OPHN1: variants seen among roughly 807,000 people sequenced by gnomAD.
The protein encoded by OPHN1 is oligophrenin 1.
In OPHN1, 11 loss-of-function variants were observed where a neutral mutation model predicts 60.7. The ratio of observed to expected loss-of-function variants is 0.18; its 90% confidence interval spans 0.11 to 0.30. The LOEUF is 0.30. Ranked by LOEUF, OPHN1 falls within the 10% of genes least tolerant of loss-of-function variation. The pLI, the probability that OPHN1 is intolerant of heterozygous loss-of-function variation, is 1.00. For synonymous variants in OPHN1, 226 were observed against 222.6 expected (o/e 1.02, Z -0.14); for missense variants, 449 against 611.0 (o/e 0.73, Z 2.80).
At chrX:68,083,142 G>A (rs1344426282) in intron 19 of OPHN1, among the ~76,000 whole-genome samples, 3 of 83,577 alleles carry the variant, frequency 3.6e-5, no homozygotes, top group East Asian at 4.3e-4. Flanking sequence ...GCGCAATCTC[G>A]GCTCACTGCA....
intron 10 of OPHN1, among the ~76,000 whole-genome samples, chrX:68,204,462 C>T (rs934301562): frequency 1.8e-5 from 2 of 111,903 alleles, no homozygotes; most frequent in Admixed American, 1.9e-4. Context: ...AAGGGTCTAG[C>T]TCAGTGTCCG....
chrX:68,429,499 GGCTT>G lies in OPHN1; in HGVS notation c.154+3364_154+3367del, dbSNP rs752772152. ...AACACTTTGAGAGGCCGTGGTGGGA[GGCTT>G]GCTTGAGCCCAGGAATTCCAGATCA... On this transcript the variant is annotated intron_variant, in intron 2 of 24. Transcript: ENST00000355520. Among the ~76,000 whole-genome samples the G allele has an allele frequency of 5.4e-5, 6 of 111,052 alleles. No homozygotes were observed. In the East Asian group the frequency reaches 1.7e-3, roughly 31 times the overall value.
intron 4 of OPHN1, among the ~76,000 whole-genome samples, chrX:68,277,723 G>T (rs1002578356): frequency 9.0e-6 from 1 of 111,628 alleles, no homozygotes; most frequent in Non-Finnish European, 1.9e-5. Context: ...CCCAGGAGGC[G>T]GAGGTTGCAG....
At chrX:68,069,529 T>A (rs995793891) in intron 20 of OPHN1, among the ~76,000 whole-genome samples, 2 of 111,351 alleles carry the variant, frequency 1.8e-5, no homozygotes, top group African/African-American at 3.3e-5. Flanking sequence ...TCCTTATACA[T>A]CCACTCATTC....
intron 2 of OPHN1, among the ~76,000 whole-genome samples, chrX:68,353,408 G>GAAA (rs766331200): frequency 8.3e-5 from 4 of 48,142 alleles, no homozygotes; most frequent in African/African-American, 1.4e-4. Context: ...GTCTCTACAG[G>GAAA]AAAAAAAAAA....
chrX:68,346,413 G>T (rs1179714131), intron 2 of OPHN1, among the ~76,000 whole-genome samples: 1 of 111,644 alleles, frequency 9.0e-6, no homozygotes, highest in Admixed American at 9.6e-5. Context: ...CAAAACAACT[G>T]GGAAATCCAA....
chrX:68,147,228 A>G (rs2077267575), intron 15 of OPHN1, among the ~76,000 whole-genome samples: 1 of 111,681 alleles, frequency 9.0e-6, no homozygotes, highest in African/African-American at 3.2e-5. Context: ...ATGTCATTCA[A>G]GGAGATCCCC....
intron 5 of OPHN1, among the ~76,000 whole-genome samples, chrX:68,242,423 G>T (rs947450087): frequency 1.8e-5 from 2 of 110,932 alleles, no homozygotes; most frequent in East Asian, 5.6e-4. Context: ...TGGAAAATAA[G>T]TGTTCTTGAG....
At chrX:68,252,022 T>C (rs755948793) in intron 5 of OPHN1, among the ~76,000 whole-genome samples, 5 of 111,976 alleles carry the variant, frequency 4.5e-5, no homozygotes, top group Non-Finnish European at 1.9e-5. Context: ...GAAGCAATGG[T>C]AGGCTGGCTT....
intron 2 of OPHN1, among the ~76,000 whole-genome samples, chrX:68,330,805 ATATATT>A (rs922905279): frequency 9.2e-6 from 1 of 108,677 alleles, no homozygotes; most frequent in African/African-American, 3.3e-5. Context: ...CAGCACAAAT[ATATATT>A]TATATCTCTA....
intron 2 of OPHN1, among the ~76,000 whole-genome samples, chrX:68,351,694 G>A (rs759198124): frequency 9.1e-6 from 1 of 109,949 alleles, no homozygotes. Flanking sequence ...CTGGTTTTTT[G>A]TTGTTGTTGT....
chrX:68,214,451 A>G (rs1173012903), intron 6 of OPHN1, among the ~76,000 whole-genome samples: 1 of 112,264 alleles, frequency 8.9e-6, no homozygotes, highest in Non-Finnish European at 1.9e-5. Context: ...ATCTGAGCAC[A>G]TAAACAATGA....
At chrX:68,120,832 T>G (rs751557772) in intron 15 of OPHN1, among the ~76,000 whole-genome samples, 1 of 112,116 alleles carries the variant, frequency 8.9e-6, no homozygotes, top group East Asian at 2.8e-4. Flanking sequence ...AGTCCAGACG[T>G]AAACCCAAGT....
At chrX:68,131,344 G>A (rs1010466456) in intron 15 of OPHN1, among the ~76,000 whole-genome samples, 2 of 109,256 alleles carry the variant, frequency 1.8e-5, no homozygotes, top group Non-Finnish European at 1.9e-5. Context: ...TCAGCCTCCC[G>A]AGTAGCTGGG....
At chrX:68,405,141 G>T (rs1259982612) in intron 2 of OPHN1, among the ~76,000 whole-genome samples, 1 of 112,353 alleles carries the variant, frequency 8.9e-6, no homozygotes, top group Non-Finnish European at 1.9e-5. Context: ...ATGCACATTT[G>T]AAATAATAAT....
intron 19 of OPHN1, among the ~76,000 whole-genome samples, chrX:68,085,291 C>A (rs1246376218): frequency 8.9e-6 from 1 of 112,025 alleles, no homozygotes; most frequent in East Asian, 2.8e-4. Context: ...TTGCTCTTCC[C>A]AAAGATATCT....
intron 2 of OPHN1, among the ~76,000 whole-genome samples, chrX:68,357,844 T>C (rs2078450120): frequency 9.0e-6 from 1 of 110,867 alleles, no homozygotes; most frequent in South Asian, 3.8e-4. Flanking sequence ...TTCCACAAGC[T>C]TTTGTTAAGA....
rs778054197 is a variant in OPHN1 at position 68,223,724 on chromosome X, GAC to G, written c.487-9754_487-9753del. Among the ~76,000 whole-genome samples, 398 of 110,952 alleles carry G rather than the reference GAC, an allele frequency of 3.6e-3. 4 individuals carry two copies. The highest frequency in any genetic ancestry group is 0.012 in the African/African-American group (379 of 30,581). On this transcript the variant is annotated intron_variant, in intron 6 of 24. Transcript: ENST00000355520. ...ACAATTAAAATGTAAAGAAAACAAA[GAC>G]AGATTAAAAGTAAAGGTATAAAGAA...
At position 68,064,038 on chromosome X, in the gene OPHN1, C is replaced by T; in HGVS notation, c.1974G>A (p.Leu658=). 6 of 1,210,296 alleles carry T rather than the reference C, an allele frequency of 5.0e-6. No homozygotes were observed. The highest frequency in any genetic ancestry group is 6.7e-6 in the Non-Finnish European group (6 of 895,075). The change falls in exon 21 of 25, where the codon TTG becomes TTA. Residue 658 remains leucine (L), a synonymous_variant. Coordinates refer to ENST00000355520, the MANE Select transcript of OPHN1 (RefSeq NM_002547.3). ...PGRKSPSRPI[L]DGKLEPCPEV... is the part of the protein sequence containing the mutation. ...CTGGGCAGGGCTCCAACTTGCCATC[C>T]AAAATAGGCCTGCTTGGGGACTTCC...
Sources: gnomAD v4.1 joint callset for allele counts (sites outside exome capture counted in the v4.1 genomes callset) on GRCh38, gnomAD v4.1.1 for gene constraint, MANE v1.5 for transcripts, NCBI Gene and HGNC (gene_info 2026-07-23, HGNC 2026-07-21) for gene names.